TEDC1: variants seen among roughly 807,000 people sequenced by gnomAD.
The protein encoded by TEDC1 is tubulin epsilon and delta complex 1.
A neutral mutation model predicts 59.9 loss-of-function variants in TEDC1; 54 were observed. The observed-to-expected ratio is 0.90, with a 90% CI of 0.72 to 1.13. TEDC1 has a LOEUF of 1.13. Among genes scored for constraint, TEDC1 ranks in the 50% most tolerant of loss-of-function variants. The pLI, the probability that TEDC1 is intolerant of heterozygous loss-of-function variation, is 0.00. For missense variants in TEDC1, 734 were observed against 683.4 expected, an observed-to-expected ratio of 1.07 and a Z score of -0.83; for synonymous variants, 353 against 298.1, an observed-to-expected ratio of 1.18 and a Z score of -1.90.
At chr14:105,494,269 T>G (rs2084292622) in intron 5 of TEDC1, 2 of 370,176 alleles carry the variant, frequency 5.4e-6, no homozygotes, top group East Asian at 6.3e-5. Context: ...GCTGGTGGTG[T>G]TGGCATCTCA....
At position 105,491,258 on chromosome 14, in the gene TEDC1, G is replaced by T; in HGVS notation, c.-118G>T. On this transcript the variant is annotated 5_prime_UTR_variant, in exon 1 of 9. Transcript: ENST00000392523. ...CATGATTGGGCTCAGGTTCCAGCCG[G>T]AGCGGTAACTGGGCGCAGGTCCCAG... is the stretch of plus-strand genomic sequence containing the variant. The T allele has an allele frequency of 1.3e-6, 2 of 1,530,948 alleles. No homozygotes were observed. The highest frequency in any genetic ancestry group is 1.4e-5 in the African/African-American group (1 of 72,988). The allele number at this position is 1,530,948 out of a possible 1,614,324, so 94.8% of individuals were successfully genotyped here. A position where few individuals can be genotyped will look rare whatever the true frequency, so the allele number is the denominator to read the frequency against.
chr14:105,490,355 G>C (rs2084180147), upstream of TEDC1: 1 of 152,358 alleles, frequency 6.6e-6, no homozygotes, highest in Non-Finnish European at 1.5e-5. Flanking sequence ...AGGTGCAGGG[G>C]CATCGCGGGA....
rs2084206541 is a variant in TEDC1, at chr14:105,491,489, C to A, written c.114C>A (p.Ile38=). The A allele has an allele frequency of 2.0e-6, 3 of 1,491,150 alleles. No homozygotes were observed. The African/African-American group carries it at 4.2e-5, about 21-fold the overall frequency. The allele number at this position is 1,491,150 out of a possible 1,614,324, so 92.4% of individuals were successfully genotyped here. The change falls in exon 1 of 9, where the codon ATC becomes ATA. Residue 38 remains isoleucine (I), a synonymous_variant. Coordinates refer to ENST00000392523, the MANE Select transcript of TEDC1 (RefSeq NM_001367178.1). ...TGCCCTCGGGACCCAGCCCCGAGAT[C>A]TTCCGCCGCGCCAAGTTCGACCGTC... ...RSLPSGPSPE[I]FRRAKFDRPE... is the part of the protein sequence containing the mutation.
chr14:105,497,498 G>C, intron 7 of TEDC1, 55 bp downstream of exon 7: 3 of 1,523,744 alleles, frequency 2.0e-6, no homozygotes, highest in Non-Finnish European at 1.8e-6. Flanking sequence ...CAGCCCCCAG[G>C]TGGGGCATTC....
intron 5 of TEDC1, 187 bp from the exon 6 acceptor site, chr14:105,495,693 C>T (rs2084328528): frequency 1.7e-6 from 1 of 597,156 alleles, no homozygotes. Flanking sequence ...GGCTTCTGGC[C>T]CCTGGGACCC....
chr14:105,490,826 G>A (rs2084189122), upstream of TEDC1: 1 of 625,172 alleles, frequency 1.6e-6, no homozygotes, highest in Admixed American at 2.5e-5. Context: ...GCCCCACAGG[G>A]CGCCTTCCGG....
At chr14:105,497,028 G>A in intron 6 of TEDC1, 2 of 438,112 alleles carry the variant, frequency 4.6e-6, no homozygotes, top group Non-Finnish European at 8.2e-6. Flanking sequence ...TGACCTTGTT[G>A]GACTGGCAGT....
At chr14:105,497,586 TC>T in intron 7 of TEDC1, 143 bp downstream of exon 7, 2 of 1,156,654 alleles carry the variant, frequency 1.7e-6, no homozygotes, top group Non-Finnish European at 2.4e-6. Flanking sequence ...TTCTAGGACT[TC>T]CACTCGCCTT....
Position 105,495,890 on chromosome 14 carries a change from C to T in TEDC1, c.695C>T (p.Ala232Val), listed in dbSNP as rs113070134. 0.011 allele frequency: 17,154 copies of T among 1,549,212 alleles called. 135 individuals are homozygous for T. The highest frequency in any genetic ancestry group is 0.014 in the Non-Finnish European group (16,179 of 1,146,386). The change falls in exon 6 of 9, where the codon GCG becomes GTG. Residue 232 changes from alanine (A) to valine (V), a missense_variant. Physicochemically the swap from Ala to Val is moderately conservative, Grantham distance 64. Coordinates refer to ENST00000392523, the MANE Select transcript of TEDC1 (RefSeq NM_001367178.1). ...TGGCTTCCTTCCAAGGTTTCTGGAG[C>T]GGGAGCTGCCCAAAACCTGGACCTG... is the stretch of plus-strand genomic sequence containing the variant. Reference protein sequence around the residue: ...DPEGGQQVSGAGAAQNLDLAY... With the variant: ...DPEGGQQVSGVGAAQNLDLAY...
chr14:105,496,710 T>TGGGCA (rs2141805312), intron 6 of TEDC1: 1 of 158,446 alleles, frequency 6.3e-6, no homozygotes, highest in Non-Finnish European at 1.4e-5. Flanking sequence ...GTGGGCACTG[T>TGGGCA]GGGCAGGTAC....
chr14:105,498,022 G>A (rs782269432), intron 8 of TEDC1, 45 bp downstream of exon 8: 256 of 1,459,704 alleles, frequency 1.8e-4, no homozygotes, highest in Non-Finnish European at 2.2e-4. Flanking sequence ...CCCCACCTTC[G>A]GGGGATGGCT....
At chr14:105,492,850 G>T in intron 4 of TEDC1, 116 bp downstream of exon 4, 1 of 1,367,430 alleles carries the variant, frequency 7.3e-7, no homozygotes, top group Non-Finnish European at 9.8e-7. Context: ...CTGGATGTGG[G>T]CCTTCCTGCC....
intron 6 of TEDC1, chr14:105,496,335 T>C (rs2084345583): frequency 3.8e-6 from 2 of 527,530 alleles, no homozygotes; most frequent in Non-Finnish European, 6.8e-6. Flanking sequence ...ACCAGCCTGC[T>C]CCAGCTCCCA....
upstream of TEDC1, chr14:105,490,963 T>A: frequency 7.1e-7 from 1 of 1,403,028 alleles, no homozygotes. Flanking sequence ...GACTCTGCGG[T>A]GTTCTCCATA....
rs587645301 is a variant in TEDC1 at position 105,497,986 on chromosome 14, C to G, written c.1158+9C>G. ...CGGCCTGGGAGGCCAAGGTGAGTGC[C>G]AGCCTCGCTCTGGGCACCAGCCCAG... On this transcript the variant is annotated intron_variant, in intron 8 of 8. Coordinates refer to ENST00000392523, the MANE Select transcript of TEDC1 (RefSeq NM_001367178.1). 3.3e-6 allele frequency: 5 copies of G among 1,510,466 alleles called. No homozygotes were observed. The East Asian group carries it at 1.2e-4, about 38-fold the overall frequency. 93.6% of individuals were successfully genotyped at this position (1,510,466 alleles called of 1,614,324 possible).
rs1595468424 is a variant in TEDC1 at position 105,491,282 on chromosome 14, A to C, written c.-94A>C. Reference sequence around the variant, plus strand: ...GGAGCGGTAACTGGGCGCAGGTCCCAGCCGCCGCACTAAACCCGGCCCGTG... The same window carrying C: ...GGAGCGGTAACTGGGCGCAGGTCCCCGCCGCCGCACTAAACCCGGCCCGTG... On this transcript the variant is annotated 5_prime_UTR_variant, in exon 1 of 9. Transcript: ENST00000392523. 2.0e-6 allele frequency: 3 copies of C among 1,517,574 alleles called. No homozygotes were observed. The highest frequency in any genetic ancestry group is 2.5e-5 in the East Asian group (1 of 40,652). The allele number at this position is 1,517,574 out of a possible 1,614,324, so 94.0% of individuals were successfully genotyped here.
At chr14:105,492,409 T>G in intron 3 of TEDC1, 100 bp downstream of exon 3, 1 of 1,531,958 alleles carries the variant, frequency 6.5e-7, no homozygotes. Context: ...GCTTTGCTCC[T>G]CAGGGCAGTC....
In TEDC1 at chr14:105,498,645, G is replaced by A; in HGVS notation, c.1187G>A (p.Trp396Ter). The change falls in exon 9 of 9, where the codon TGG (tryptophan) becomes TAG (stop). Residue 396 changes from tryptophan (W) to a stop codon, truncating the protein, a stop_gained. Transcript: ENST00000392523. LOFTEE classifies it high-confidence loss of function. ...GGAGGCTGTGGACGGGGGCCAGAGT[G>A]GAGTGCCGCGCGGCGGGCCTCTCGG... Reference protein sequence around the residue: ...KAGGCGRGPEWSAARRASREA... With the variant: ...KAGGCGRGPE The A allele has an allele frequency of 6.4e-7, 1 of 1,553,628 alleles. No homozygotes were observed. The highest frequency in any genetic ancestry group is 8.7e-7 in the Non-Finnish European group (1 of 1,148,992).
At position 105,499,124 on chromosome 14, in the gene TEDC1, T is replaced by A; in HGVS notation, c.*178T>A. On this transcript the variant is annotated 3_prime_UTR_variant, in exon 9 of 9. Transcript: ENST00000392523. ...TCTGGCCGGATCCCAGGCCTGTGGC[T>A]AGCAGCACTGGGGACAGGAATGGCT... The A allele has an allele frequency of 3.0e-6, 2 of 676,226 alleles. No individual in the cohort carries two copies. The highest frequency in any genetic ancestry group is 1.8e-5 in the African/African-American group (1 of 55,412). 41.9% of individuals were successfully genotyped at this position (676,226 alleles called of 1,614,324 possible).
Sources: allele counts gnomAD v4.1 joint callset, GRCh38; gene constraint gnomAD v4.1.1; transcripts MANE v1.5; gene names NCBI Gene and HGNC (gene_info 2026-07-23, HGNC 2026-07-21).